NBAS: variants seen among roughly 807,000 people sequenced by gnomAD.
The protein encoded by NBAS is NAG/BC035112 fusion.
Under a neutral mutation model 302.5 loss-of-function variants are expected in NBAS, and 219 were observed. That is an observed-to-expected ratio of 0.72 (90% CI 0.65 to 0.81). The LOEUF (loss-of-function observed/expected upper bound fraction) is 0.81. Ranked by LOEUF, NBAS falls within the 30% of genes least tolerant of loss-of-function variation. The pLI is 0.00. For synonymous variants in NBAS, 1,118 were observed against 1,021.6 expected (o/e 1.09, Z -1.80); for missense variants, 2,932 against 2,841.6 (o/e 1.03, Z -0.72).
intron 51 of NBAS, among the ~76,000 whole-genome samples, chr2:15,171,356 A>G (rs1051981692): frequency 1.3e-5 from 2 of 152,154 alleles, no homozygotes; most frequent in African/African-American, 2.4e-5. Context: ...GTAACTGTCC[A>G]TGTGCATAGA....
the NBAS span, among the ~76,000 whole-genome samples, chr2:15,001,665 A>G: frequency 2.0e-5 from 3 of 152,270 alleles, no homozygotes; most frequent in East Asian, 5.8e-4. Context: ...ACTGACTTCA[A>G]GAATGAAGCC....
At position 15,167,130 on chromosome 2, in the gene NBAS, G is replaced by T. The variant is rs2125094035; in HGVS notation, c.7034C>A (p.Ser2345Tyr). 1 of 1,614,216 alleles carries T rather than the reference G, an allele frequency of 6.2e-7. No homozygotes were observed. ...AGTCCCCCTCACGGCCAGAAGGAGA[G>T]ACCCGGCTTCGGCTTCATGGCCGGC... ...REAGHEAEAGSLLLAVRGTHQ... is the reference protein window; with the variant it reads ...REAGHEAEAGYLLLAVRGTHQ... Residue 2345 changes from serine to tyrosine, a missense_variant, in exon 52 of 52, where the codon TCT (serine) becomes TAT (tyrosine). Transcript: ENST00000281513.
chr2:14,848,937 A>G, the NBAS span, among the ~76,000 whole-genome samples: 1 of 145,024 alleles, frequency 6.9e-6, no homozygotes, highest in Non-Finnish European at 1.5e-5. Context: ...CATCACCATC[A>G]TCAAAGACCA....
At chr2:15,119,497 C>T in the NBAS span, among the ~76,000 whole-genome samples, 3 of 152,004 alleles carry the variant, frequency 2.0e-5, no homozygotes, top group East Asian at 1.9e-4. Flanking sequence ...CCTGCCACCA[C>T]GCCCAGCTAA....
At chr2:15,521,339 C>T (rs1167811044) in intron 9 of NBAS, among the ~76,000 whole-genome samples, 1 of 152,030 alleles carries the variant, frequency 6.6e-6, no homozygotes, top group Admixed American at 6.6e-5. Context: ...GTAATTTCAC[C>T]GAAGAAAAGT....
chr2:15,440,173 A>G (rs6431703), intron 21 of NBAS, among the ~76,000 whole-genome samples: 147,175 of 152,286 alleles, frequency 0.97, 71,138 homozygotes, highest in East Asian at 1. Context: ...CCAGCACCCA[A>G]CTGGAGATCT....
At chr2:15,383,613 G>T (rs185022145) in intron 28 of NBAS, among the ~76,000 whole-genome samples, 1 of 152,154 alleles carries the variant, frequency 6.6e-6, no homozygotes, top group African/African-American at 2.4e-5. Flanking sequence ...TACAGTAAAG[G>T]TAAAGAAGCT....
the NBAS span, among the ~76,000 whole-genome samples, chr2:15,067,035 A>T: frequency 1.3e-5 from 2 of 152,034 alleles, no homozygotes; most frequent in African/African-American, 4.8e-5. Flanking sequence ...AAAAGGCAGA[A>T]ATCCTGGTCA....
the NBAS span, among the ~76,000 whole-genome samples, chr2:14,863,397 A>T: frequency 2.0e-5 from 3 of 152,272 alleles, no homozygotes; most frequent in African/African-American, 7.2e-5. Flanking sequence ...GAAAGTGATT[A>T]TCTGTTGTCA....
At chr2:15,309,764 C>A (rs760412989) in intron 38 of NBAS, among the ~76,000 whole-genome samples, 13 of 152,156 alleles carry the variant, frequency 8.5e-5, no homozygotes, top group Non-Finnish European at 1.5e-4. Context: ...ATCAGTCTTT[C>A]ATTTTGCTTG....
intron 21 of NBAS, among the ~76,000 whole-genome samples, chr2:15,436,910 TAGAC>T (rs1343105377): frequency 1.3e-4 from 20 of 152,306 alleles, no homozygotes; most frequent in African/African-American, 3.4e-4. Context: ...GATGGATAGA[TAGAC>T]AGGAGGATGG....
chr2:15,091,290 T>TGCAGTTGACCCTCGA, the NBAS span, among the ~76,000 whole-genome samples: 7 of 11,172 alleles, frequency 6.3e-4, no homozygotes, highest in African/African-American at 1.5e-3. Flanking sequence ...TCCCACTTCA[T>TGCAGTTGACCCTCGA]ACAGTTTGAA....
At chr2:15,447,260 T>C (rs1027511638) in intron 21 of NBAS, among the ~76,000 whole-genome samples, 2 of 152,238 alleles carry the variant, frequency 1.3e-5, no homozygotes, top group African/African-American at 2.4e-5. Context: ...GATCCCATTA[T>C]ATGTTGTTCA....
intron 11 of NBAS, among the ~76,000 whole-genome samples, chr2:15,495,756 T>C (rs1681042628): frequency 6.6e-6 from 1 of 152,096 alleles, no homozygotes; most frequent in African/African-American, 2.4e-5. Flanking sequence ...ACTTCACACC[T>C]ACTAGGATTA....
In NBAS at chr2:15,311,575, T is replaced by C. The variant is rs762930517; in HGVS notation, c.4583-2328A>G. 9.2e-5 allele frequency among the ~76,000 whole-genome samples: 14 copies of C among 152,346 alleles called. No individual in the cohort carries two copies. In the South Asian group the frequency reaches 1.2e-3, roughly 14 times the overall value. On this transcript the variant is annotated intron_variant, in intron 38 of 51. Transcript: ENST00000281513. ...ATCATAATTATTAATGAATTAACAA[T>C]TGCATTTAAGCATAAAGACTAATTT... is the stretch of plus-strand genomic sequence containing the variant.
chr2:15,376,840 T>C (rs1000060634), intron 30 of NBAS, among the ~76,000 whole-genome samples: 1 of 152,178 alleles, frequency 6.6e-6, no homozygotes, highest in African/African-American at 2.4e-5. Flanking sequence ...GGCTCACAGG[T>C]TGCAATCAGT....
At chr2:14,998,694 A>T in the NBAS span, among the ~76,000 whole-genome samples, 1 of 152,202 alleles carries the variant, frequency 6.6e-6, no homozygotes, top group Non-Finnish European at 1.5e-5. Context: ...TCCCAAATGC[A>T]TATGTTAAAT....
At chr2:15,218,318 A>C (rs934246004) in intron 48 of NBAS, among the ~76,000 whole-genome samples, 1 of 147,328 alleles carries the variant, frequency 6.8e-6, no homozygotes, top group African/African-American at 2.6e-5. Context: ...GTACATATTC[A>C]AGTACTAAAT....
chr2:15,104,760 G>C, the NBAS span, among the ~76,000 whole-genome samples: 1 of 152,062 alleles, frequency 6.6e-6, no homozygotes. Flanking sequence ...GTGTGAGATG[G>C]TATCTTACTG....
Sources: allele counts gnomAD v4.1 joint callset (sites outside exome capture counted in the v4.1 genomes callset), GRCh38; gene constraint gnomAD v4.1.1; transcripts MANE v1.5; gene names NCBI Gene and HGNC (gene_info 2026-07-23, HGNC 2026-07-21).